The following RBFOX2 variants were observed in gnomAD, a reference collection of about 807,000 sequenced individuals.
The protein encoded by RBFOX2 is RNA binding protein fox-1 homolog 2.
In RBFOX2, 10 loss-of-function variants were observed where a neutral mutation model predicts 49.1. The ratio of observed to expected loss-of-function variants is 0.20; its 90% CI spans 0.13 to 0.35. The LOEUF (loss-of-function observed/expected upper bound fraction) is 0.35, where lower values mean the gene tolerates loss of function less well. Ranked by LOEUF, RBFOX2 falls within the 10% of genes least tolerant of loss-of-function variation. The pLI is 1.00. For missense variants in RBFOX2, 323 were observed against 486.9 expected (o/e 0.66, Z 3.17); for synonymous variants, 183 against 187.4 (o/e 0.98, Z 0.19).
chr22:35,750,924 T>G (rs568896093), intron 9 of RBFOX2, among the ~76,000 whole-genome samples: 1 of 152,338 alleles, frequency 6.6e-6, no homozygotes, highest in Non-Finnish European at 1.5e-5. Context: ...TTAAGATCCT[T>G]TCCAGTGTTT....
At chr22:35,880,881 C>A (rs1224120748) in intron 1 of RBFOX2, among the ~76,000 whole-genome samples, 2 of 152,072 alleles carry the variant, frequency 1.3e-5, no homozygotes, top group African/African-American at 4.8e-5. Context: ...AGGACAAAAA[C>A]CATGAGGTAT....
chr22:35,866,271 GA>G (rs2043667864), intron 1 of RBFOX2, among the ~76,000 whole-genome samples: 1 of 151,976 alleles, frequency 6.6e-6, no homozygotes, highest in African/African-American at 2.4e-5. Context: ...ATGATTCTTA[GA>G]ATTTTAATTC....
exon 12 of RBFOX2, chr22:35,742,230 G>C (rs934786981): frequency 1.3e-5 from 2 of 152,204 alleles, no homozygotes; most frequent in African/African-American, 4.8e-5. Context: ...TTCCTCCCCA[G>C]AGTCAGTAAT....
intron 3 of RBFOX2, among the ~76,000 whole-genome samples, chr22:35,780,364 CAAACAAAAAAAAA>C (rs1222577948): frequency 2.1e-5 from 3 of 144,142 alleles, no homozygotes; most frequent in African/African-American, 5.2e-5. Context: ...AGAAAACAAA[CAAACAAAAAAAAA>C]AAACAAAAAA....
At chr22:35,955,007 A>G in intron 1 of RBFOX2, among the ~76,000 whole-genome samples, 1 of 152,170 alleles carries the variant, frequency 6.6e-6, no homozygotes, top group South Asian at 2.1e-4. Flanking sequence ...TTTACTTCAC[A>G]CCTTGGCACG....
intron 1 of RBFOX2, among the ~76,000 whole-genome samples, chr22:35,834,474 C>G (rs543150833): frequency 6.6e-6 from 1 of 152,102 alleles, no homozygotes; most frequent in African/African-American, 2.4e-5. Flanking sequence ...GGGGAGGAGA[C>G]AGACAACAAA....
At chr22:35,878,041 C>CAT (rs1556297681) in intron 1 of RBFOX2, among the ~76,000 whole-genome samples, 2 of 64,152 alleles carry the variant, frequency 3.1e-5, no homozygotes, top group Non-Finnish European at 6.9e-5. Flanking sequence ...ACTACTACTA[C>CAT]ACACACACAC....
In RBFOX2 at chr22:35,759,865, T is replaced by C; in HGVS notation, c.887+23A>G. ...CCAACTGCTTATTTTAGAAACATAC[T>C]GATTTTGGAATCTAACGCTTACCCT... On this transcript the variant is annotated intron_variant, in intron 9 of 11. Coordinates refer to ENST00000405409, the Ensembl canonical transcript of RBFOX2. This position sits in a 1 kb window ranked among gnomAD's most constrained non-coding sequence, Gnocchi z 4.6. 2 of 1,612,114 alleles carry C rather than the reference T, an allele frequency of 1.2e-6. No individual in the cohort carries two copies. Among genetic ancestry groups the C allele is most frequent in the South Asian group, 1.1e-5 (1 of 90,988 alleles).
rs1951846526 is a variant in RBFOX2, at chr22:35,811,439, G to A, written c.28-1435C>T. The stretch of plus-strand genomic sequence containing the variant: ...GACACATACAGAGGGAGGCCCATGT[G>A]AAGACACAGAGCATGACCATCTACA... On this transcript the variant is annotated intron_variant, in intron 1 of 11. Transcript: ENST00000405409. Among the ~76,000 whole-genome samples the A allele has an allele frequency of 2.0e-5, 3 of 152,284 alleles. No homozygotes were observed. In the East Asian group the frequency reaches 5.8e-4, roughly 29 times the overall value.
At chr22:35,897,264 TA>T (rs1485655707) in intron 1 of RBFOX2, 1 of 1,503,050 alleles carries the variant, frequency 6.7e-7, no homozygotes, top group Non-Finnish European at 9.3e-7. Flanking sequence ...CGGGAGGCAC[TA>T]AATGTTGACG....
upstream of RBFOX2, among the ~76,000 whole-genome samples, chr22:35,845,546 C>T (rs1455738517): frequency 6.6e-6 from 1 of 152,100 alleles, no homozygotes; most frequent in Admixed American, 6.5e-5. Context: ...ATCAGTGAGG[C>T]CAGGCAAATC....
chr22:35,947,783 A>G (rs773306614), intron 1 of RBFOX2, among the ~76,000 whole-genome samples: 12 of 151,876 alleles, frequency 7.9e-5, no homozygotes, highest in Non-Finnish European at 1.6e-4. Context: ...TTATATTTTA[A>G]GCTAAGTGTT....
At chr22:35,771,450 C>T (rs1273655656) in intron 4 of RBFOX2, among the ~76,000 whole-genome samples, 1 of 152,168 alleles carries the variant, frequency 6.6e-6, no homozygotes, top group East Asian at 1.9e-4. Flanking sequence ...AAGAACCCAA[C>T]ACGTTGATTT....
At chr22:35,836,603 A>G (rs1957723545) in intron 1 of RBFOX2, among the ~76,000 whole-genome samples, 1 of 152,226 alleles carries the variant, frequency 6.6e-6, no homozygotes, top group African/African-American at 2.4e-5. Flanking sequence ...CTTGGTCCTG[A>G]TGGAAAACAG....
At chr22:35,983,756 A>T (rs1288515028) in intron 1 of RBFOX2, among the ~76,000 whole-genome samples, 1 of 152,204 alleles carries the variant, frequency 6.6e-6, no homozygotes, top group Admixed American at 6.5e-5. Context: ...AATGAACACA[A>T]CTAATTAGTG....
chr22:35,880,453 A>G (rs1032333689), intron 1 of RBFOX2, among the ~76,000 whole-genome samples: 2 of 152,164 alleles, frequency 1.3e-5, no homozygotes, highest in Non-Finnish European at 2.9e-5. Context: ...GCAGTTAGAT[A>G]TGAGCTTCTA....
intron 1 of RBFOX2, chr22:35,994,347 A>G (rs1490257267): frequency 6.6e-6 from 1 of 151,974 alleles, no homozygotes; most frequent in Non-Finnish European, 1.5e-5. Context: ...AATCTAGTGT[A>G]TAGTATTTTA....
intron 1 of RBFOX2, among the ~76,000 whole-genome samples, chr22:35,874,743 G>A (rs2044798190): frequency 6.6e-6 from 1 of 152,182 alleles, no homozygotes; most frequent in Non-Finnish European, 1.5e-5. Flanking sequence ...CTACCAAGGT[G>A]ATTAACACAC....
At chr22:35,784,312 G>A (rs1184142417) in intron 2 of RBFOX2, among the ~76,000 whole-genome samples, 3 of 152,192 alleles carry the variant, frequency 2.0e-5, no homozygotes, top group South Asian at 2.1e-4. Context: ...AGAGGCAGGC[G>A]AAGTCACACC....
Sources: allele counts gnomAD v4.1 joint callset (sites outside exome capture counted in the v4.1 genomes callset), GRCh38; gene constraint gnomAD v4.1.1; non-coding constraint Gnocchi (gnomAD v3.1); transcripts MANE v1.5; gene names NCBI Gene and HGNC (gene_info 2026-07-23, HGNC 2026-07-21).